Variants in PLD6 observed in about 807,000 individuals in gnomAD.
The protein encoded by PLD6 is mitochondrial cardiolipin hydrolase.
Under a neutral mutation model 9.7 loss-of-function variants are expected in PLD6, and 10 were observed. The observed-to-expected ratio is 1.03, with a 90% CI of 0.64 to 1.75. The LOEUF is 1.75. Ranked by LOEUF, PLD6 falls within the 40% of genes most tolerant of loss-of-function variation. The pLI, the probability that PLD6 is intolerant of heterozygous loss-of-function variation, is 0.00. For missense variants in PLD6, 334 were observed against 347.6 expected, an observed-to-expected ratio of 0.96 and a Z score of 0.31; for synonymous variants, 152 against 159.2, an observed-to-expected ratio of 0.96 and a Z score of 0.34.
rs373555063 is a variant in PLD6, at chr17:17,203,031, C to A, written c.495G>T (p.Arg165Ser). The A allele has an allele frequency of 6.2e-7, 1 of 1,614,170 alleles. No homozygotes were observed. The highest frequency in any genetic ancestry group is 1.1e-5 in the South Asian group (1 of 91,082). The change falls in exon 2 of 2, where the codon AGG (arginine) becomes AGT (serine). Residue 165 changes from arginine (R) to serine (S), a missense_variant. Physicochemically the swap from Arg to Ser is moderately radical, Grantham distance 110. Transcript: ENST00000321560. The part of the protein sequence containing the change: ...MHHKFAIVDK[R>S]VLITGSLNWT... ...AGTTGAGCGAGCCAGTGATGAGCAC[C>A]CTCTTGTCCACGATGGCAAACTTGT...
intron 1 of PLD6, among the ~76,000 whole-genome samples, chr17:17,203,315 A>G (rs2046690645): frequency 6.6e-6 from 1 of 152,152 alleles, no homozygotes; most frequent in Non-Finnish European, 1.5e-5. Flanking sequence ...CACACAGGCT[A>G]TGGGGGACTG....
chr17:17,205,808 G>T, intron 1 of PLD6, 52 bp downstream of exon 1: 1 of 1,535,442 alleles, frequency 6.5e-7, no homozygotes. Flanking sequence ...TTGCGCCTAG[G>T]ACCCCGCGTG....
intron 1 of PLD6, chr17:17,204,318 CCTGCCCTGAGTGTCA>C (rs1283475095): frequency 6.6e-6 from 1 of 152,654 alleles, no homozygotes; most frequent in African/African-American, 2.4e-5. Context: ...CAGCAAGGTC[CCTGCCCTGAGTGTCA>C]CTGCCCCTGG....
At chr17:17,203,394 C>G (rs903732984) in intron 1 of PLD6, among the ~76,000 whole-genome samples, 1 of 152,222 alleles carries the variant, frequency 6.6e-6, no homozygotes, top group Non-Finnish European at 1.5e-5. Flanking sequence ...TTCGGGGTTA[C>G]TGCTTGCTGC....
chr17:17,203,260 G>A (rs1597561398), intron 1 of PLD6, among the ~76,000 whole-genome samples, 162 bp from the exon 2 acceptor site: 1 of 152,296 alleles, frequency 6.6e-6, no homozygotes. Context: ...CAGGAGGGAC[G>A]CTGAGAACCA....
rs1044275083 is a variant in PLD6, at chr17:17,205,789, T to G, written c.427+71A>C. On this transcript the variant is annotated intron_variant, in intron 1 of 1. Transcript: ENST00000321560. ...CCGTCCCCAGACCCCCTCCCCTAAG[T>G]GTCCACCTTTGCGCCTAGGACCCCG... The G allele has an allele frequency of 4.7e-6, 7 of 1,498,080 alleles. No individual in the cohort carries two copies. The African/African-American group carries it at 7.0e-5, about 15-fold the overall frequency. The allele number at this position is 1,498,080 out of a possible 1,614,324, so 92.8% of individuals were successfully genotyped here.
At position 17,202,006 on chromosome 17, in the gene PLD6, TAAATA is replaced by T. The variant is rs1020065130; in HGVS notation, c.*756_*760del. ...ATCTCAAAAAAGATAAATAAATAAA[TAAATA>T]AAATAAAAAAAGTTAAAAGCCCAAC... On this transcript the variant is annotated 3_prime_UTR_variant, in exon 2 of 2. Coordinates refer to ENST00000321560, the MANE Select transcript of PLD6 (RefSeq NM_178836.4). 3 of 151,782 alleles carry T rather than the reference TAAATA, an allele frequency of 2.0e-5. No homozygotes were observed. The highest frequency in any genetic ancestry group is 7.3e-5 in the African/African-American group (3 of 41,290). The allele number at this position is 151,782 out of a possible 1,614,324, so 9.4% of individuals were successfully genotyped here.
At position 17,206,152 on chromosome 17, in the gene PLD6, C is replaced by T. The variant is rs972331008; in HGVS notation, c.135G>A (p.Pro45=). ...GGGCCTCGGTACAGGTCACCTGAGA[C>T]GGGAAGAACAGCGCCTCGCGCCGCG... The part of the protein sequence containing the change: ...RRPRREALFF[P]SQVTCTEALL... Residue 45 remains proline, a synonymous_variant, in exon 1 of 2, where the codon CCG becomes CCA. Coordinates refer to ENST00000321560, the MANE Select transcript of PLD6 (RefSeq NM_178836.4). The T allele has an allele frequency of 2.5e-5, 38 of 1,504,250 alleles. No homozygotes were observed. The Admixed American group carries it at 3.8e-4, about 15-fold the overall frequency. The allele number at this position is 1,504,250 out of a possible 1,614,324, so 93.2% of individuals were successfully genotyped here. A position where few individuals can be genotyped will look rare whatever the true frequency, so the allele number is the denominator to read the frequency against.
chr17:17,205,833 TCTC>T, intron 1 of PLD6, 24 bp downstream of exon 1: 1 of 1,549,384 alleles, frequency 6.5e-7, no homozygotes, highest in Non-Finnish European at 8.7e-7. Context: ...AAGCCGGCCT[TCTC>T]CGCTTGGACC....
chr17:17,201,465 C>T lies in PLD6; in HGVS notation c.*1302G>A, dbSNP rs2046673425. 1 of 152,258 alleles carries T rather than the reference C, an allele frequency of 6.6e-6. No homozygotes were observed. Among genetic ancestry groups the T allele is most frequent in the South Asian group, 2.1e-4 (1 of 4,834 alleles). 9.4% of individuals were successfully genotyped at this position (152,258 alleles called of 1,614,324 possible). The stretch of plus-strand genomic sequence containing the variant: ...ACCTGGAACATTTCACAGTGTACGA[C>T]ACCTGTTCTACCTGGGAATGCAAAC... On this transcript the variant is annotated 3_prime_UTR_variant, in exon 2 of 2. Transcript: ENST00000321560.
rs1162895876 is a variant in PLD6 at position 17,203,054 on chromosome 17, T to A, written c.472A>T (p.Lys158Ter). 6.2e-7 allele frequency: 1 copy of A among 1,614,170 alleles called. No individual in the cohort carries two copies. Among genetic ancestry groups the A allele is most frequent in the South Asian group, 1.1e-5 (1 of 91,078 alleles). Residue 158 changes from lysine (K) to a stop codon, truncating the protein, a stop_gained, in exon 2 of 2, where the codon AAG (lysine) becomes TAG (stop). Coordinates refer to ENST00000321560, the MANE Select transcript of PLD6 (RefSeq NM_178836.4). LOFTEE classifies it low-confidence loss of function (END_TRUNC). ...ACCCTCTTGTCCACGATGGCAAACT[T>A]GTGATGCATGTAGCCTGGGTCTTGA... ...HDQDPGYMHH[K>*]FAIVDKRVLI...
chr17:17,204,762 T>C (rs759156700), intron 1 of PLD6, among the ~76,000 whole-genome samples: 1 of 152,152 alleles, frequency 6.6e-6, no homozygotes, highest in Non-Finnish European at 1.5e-5. Context: ...GGACAGCTCT[T>C]GTGGCTGCCC....
At chr17:17,203,757 A>G (rs916445754) in intron 1 of PLD6, among the ~76,000 whole-genome samples, 1 of 152,214 alleles carries the variant, frequency 6.6e-6, no homozygotes, top group Non-Finnish European at 1.5e-5. Flanking sequence ...TTAAGGAATG[A>G]GGCCGTCAGA....
rs1427587391 is a variant in PLD6 at position 17,201,550 on chromosome 17, C to A, written c.*1217G>T. Reference sequence around the variant, plus strand: ...CACCACGGCCTGAAGCTGCTCTCCTCTTCCCCGCTCTCCTCTCCTCCGGTC... The same window carrying A: ...CACCACGGCCTGAAGCTGCTCTCCTATTCCCCGCTCTCCTCTCCTCCGGTC... On this transcript the variant is annotated 3_prime_UTR_variant, in exon 2 of 2. Coordinates refer to ENST00000321560, the MANE Select transcript of PLD6 (RefSeq NM_178836.4). The A allele has an allele frequency of 6.6e-6, 1 of 152,382 alleles. No individual in the cohort carries two copies. Among genetic ancestry groups the A allele is most frequent in the Non-Finnish European group, 1.5e-5 (1 of 68,122 alleles). The allele number at this position is 152,382 out of a possible 1,614,324, so 9.4% of individuals were successfully genotyped here.
rs1407783819 is a variant in PLD6, at chr17:17,206,125, C to A, written c.162G>T (p.Leu54=). ...FPSQVTCTEA[L]LRAPGAELAE... ...CCAGCTCCGCGCCCGGAGCCCGCAG[C>A]AGGGCCTCGGTACAGGTCACCTGAG... Residue 54 remains leucine, a synonymous_variant, in exon 1 of 2, where the codon CTG becomes CTT. Coordinates refer to ENST00000321560, the MANE Select transcript of PLD6 (RefSeq NM_178836.4). 6.7e-7 allele frequency: 1 copy of A among 1,488,868 alleles called. No individual in the cohort carries two copies. Among genetic ancestry groups the A allele is most frequent in the East Asian group, 2.8e-5 (1 of 35,792 alleles). 92.2% of individuals were successfully genotyped at this position (1,488,868 alleles called of 1,614,324 possible).
chr17:17,203,160 C>A (rs968490076), intron 1 of PLD6, 62 bp from the exon 2 acceptor site: 36 of 1,495,072 alleles, frequency 2.4e-5, no homozygotes, highest in Non-Finnish European at 3.2e-5. Flanking sequence ...GTGGACTGTT[C>A]CTGGGGGCTA....
rs2046715832 is a variant in PLD6, at chr17:17,205,956, G to C, written c.331C>G (p.Gln111Glu). 6.4e-7 allele frequency: 1 copy of C among 1,558,262 alleles called. No homozygotes were observed. The highest frequency in any genetic ancestry group is 1.9e-5 in the Admixed American group (1 of 51,998). ...CGCACCCCACGCTGGTGCAGCAACTGCACGGCGCGGCCCAGCTGCGGGCTG... is the reference window on the plus strand; with the variant it reads ...CGCACCCCACGCTGGTGCAGCAACTCCACGGCGCGGCCCAGCTGCGGGCTG... ...FSSPQLGRAV[Q>E]LLHQRGVRVR... Residue 111 changes from glutamine (Q) to glutamate (E), a missense_variant, in exon 1 of 2, where the codon CAG becomes GAG. Coordinates refer to ENST00000321560, the MANE Select transcript of PLD6 (RefSeq NM_178836.4).
chr17:17,202,917 C>T lies in PLD6; in HGVS notation c.609G>A (p.Glu203=). The T allele has an allele frequency of 6.2e-7, 1 of 1,614,184 alleles. No homozygotes were observed. Among genetic ancestry groups the T allele is most frequent in the South Asian group, 1.1e-5 (1 of 91,082 alleles). Residue 203 remains glutamate (E), a synonymous_variant, in exon 2 of 2, where the codon GAG becomes GAA. Coordinates refer to ENST00000321560, the MANE Select transcript of PLD6 (RefSeq NM_178836.4). ...TAGGGTTAAACTGTTCCCAGATGCGCTCAAATTCTTCCAGAAAAAGCCGCA... is the reference window on the plus strand; with the variant it reads ...TAGGGTTAAACTGTTCCCAGATGCGTTCAAATTCTTCCAGAAAAAGCCGCA... ...EYVRLFLEEF[E]RIWEQFNPTK... is the part of the protein sequence containing the mutation.
intron 1 of PLD6, among the ~76,000 whole-genome samples, chr17:17,203,643 A>C (rs1184450710): frequency 6.6e-6 from 1 of 152,192 alleles, no homozygotes; most frequent in Non-Finnish European, 1.5e-5. Context: ...CCTTCACCAA[A>C]GAACCAGGCA....
Sources: allele counts gnomAD v4.1 joint callset (sites outside exome capture counted in the v4.1 genomes callset), GRCh38; gene constraint gnomAD v4.1.1; transcripts MANE v1.5; gene names NCBI Gene and HGNC (gene_info 2026-07-23, HGNC 2026-07-21).